Variants in TAPT1 observed in about 807,000 individuals in gnomAD.
TAPT1 encodes transmembrane anterior posterior transformation 1, also known as transmembrane anterior posterior transformation protein 1 homolog.
In TAPT1, 28 loss-of-function variants were observed where a neutral mutation model predicts 65.6. The observed-to-expected ratio is 0.43, with a 90% confidence interval of 0.32 to 0.59. The LOEUF (loss-of-function observed/expected upper bound fraction) is 0.59. TAPT1 is among the 20% of genes least tolerant of loss of function. TAPT1 has a pLI of 0.09. For missense variants in TAPT1, 563 were observed against 679.9 expected (o/e 0.83, Z 1.91); for synonymous variants, 278 against 245.2 (o/e 1.13, Z -1.25).
At chr4:16,202,042 TC>T (rs1750064742) in intron 3 of TAPT1, among the ~76,000 whole-genome samples, 1 of 152,122 alleles carries the variant, frequency 6.6e-6, no homozygotes, top group African/African-American at 2.4e-5. Flanking sequence ...CAGTAAGAGC[TC>T]CTGAGGAGAT....
At chr4:16,204,645 A>C (rs1451020221) in intron 2 of TAPT1, among the ~76,000 whole-genome samples, 1 of 152,268 alleles carries the variant, frequency 6.6e-6, no homozygotes, top group Non-Finnish European at 1.5e-5. Flanking sequence ...GGTTCTGGGC[A>C]ACGCAACCGG....
intron 2 of TAPT1, 121 bp downstream of exon 2, chr4:16,213,647 C>T: frequency 1.1e-6 from 1 of 873,640 alleles, no homozygotes; most frequent in South Asian, 2.3e-5. Flanking sequence ...TTTCTACTCC[C>T]CCAATAACAT....
intron 8 of TAPT1, chr4:16,176,471 G>A (rs1407848813): frequency 3.9e-6 from 1 of 254,674 alleles, no homozygotes; most frequent in Non-Finnish European, 7.4e-6. Flanking sequence ...CCAGCATTTT[G>A]GATCACCTGA....
At chr4:16,211,722 T>C (rs1445702630) in intron 2 of TAPT1, among the ~76,000 whole-genome samples, 1 of 152,188 alleles carries the variant, frequency 6.6e-6, no homozygotes, top group Non-Finnish European at 1.5e-5. Flanking sequence ...CAAAGTTTCA[T>C]GAAACAATAC....
intron 3 of TAPT1, among the ~76,000 whole-genome samples, chr4:16,199,280 T>G (rs1319235908): frequency 1.3e-5 from 2 of 152,172 alleles, no homozygotes; most frequent in Non-Finnish European, 2.9e-5. Context: ...TAGTAAGAAG[T>G]GTTTGCAGGG....
At chr4:16,209,757 T>C (rs1230420827) in intron 2 of TAPT1, among the ~76,000 whole-genome samples, 2 of 152,206 alleles carry the variant, frequency 1.3e-5, no homozygotes, top group African/African-American at 2.4e-5. Flanking sequence ...TTTAATAGTA[T>C]ATATATCTTG....
intron 3 of TAPT1, among the ~76,000 whole-genome samples, chr4:16,201,507 G>A (rs914427805): frequency 6.6e-6 from 1 of 152,068 alleles, no homozygotes; most frequent in Non-Finnish European, 1.5e-5. Context: ...ATGTAACCTC[G>A]ACATCTATGC....
intron 3 of TAPT1, 133 bp from the exon 4 acceptor site, chr4:16,191,656 A>C (rs1749381162): frequency 1.0e-6 from 1 of 997,870 alleles, no homozygotes; most frequent in East Asian, 2.6e-5. Flanking sequence ...AAAAACTTCA[A>C]ACAAGGGAGG....
intron 7 of TAPT1, among the ~76,000 whole-genome samples, chr4:16,181,918 T>C (rs1444258780): frequency 6.6e-6 from 1 of 152,172 alleles, no homozygotes; most frequent in Non-Finnish European, 1.5e-5. Context: ...TAGAGATTAA[T>C]AAAAATGGAT....
chr4:16,184,771 T>C (rs1474938613), intron 7 of TAPT1, among the ~76,000 whole-genome samples: 3 of 152,246 alleles, frequency 2.0e-5, no homozygotes, highest in Non-Finnish European at 4.4e-5. Context: ...TTTTCTTTTG[T>C]GAAATGTCTG....
At chr4:16,197,292 T>C (rs1354549767) in intron 3 of TAPT1, among the ~76,000 whole-genome samples, 1 of 152,216 alleles carries the variant, frequency 6.6e-6, no homozygotes, top group Non-Finnish European at 1.5e-5. Flanking sequence ...GTTGCTCTAA[T>C]AGTAAAAAAC....
chr4:16,201,062 C>T lies in TAPT1; in HGVS notation c.449+1400G>A, dbSNP rs559433283. On this transcript the variant is annotated intron_variant, in intron 3 of 13. Transcript: ENST00000405303. Reference sequence around the variant, plus strand: ...GTAAGTTACAGAATATAGCATATAACAATGACAGGAGCTGAATTTTTATAA... The same window carrying T: ...GTAAGTTACAGAATATAGCATATAATAATGACAGGAGCTGAATTTTTATAA... 3.9e-5 allele frequency among the ~76,000 whole-genome samples: 6 copies of T among 152,278 alleles called. No homozygotes were observed. The South Asian group carries it at 1.2e-3, about 32-fold the overall frequency.
intron 8 of TAPT1, among the ~76,000 whole-genome samples, chr4:16,178,519 A>C (rs1578423836): frequency 1.3e-5 from 2 of 152,108 alleles, no homozygotes; most frequent in East Asian, 3.8e-4. Context: ...TCAAACAAAA[A>C]CTCTAAATTA....
At chr4:16,182,692 G>A (rs146260584) in intron 7 of TAPT1, among the ~76,000 whole-genome samples, 4 of 152,282 alleles carry the variant, frequency 2.6e-5, no homozygotes, top group Admixed American at 6.5e-5. Flanking sequence ...TTACCAATGC[G>A]TAAAAAACTA....
rs1747209788 is a variant in TAPT1 at position 16,160,802 on chromosome 4, GAT to G, written c.*2504_*2505del. 6.6e-6 allele frequency: 1 copy of G among 152,642 alleles called. No individual in the cohort carries two copies. The highest frequency in any genetic ancestry group is 1.5e-5 in the Non-Finnish European group (1 of 68,036). 9.5% of individuals were successfully genotyped at this position (152,642 alleles called of 1,614,324 possible). A position where few individuals can be genotyped will look rare whatever the true frequency, so the allele number is the denominator to read the frequency against. On this transcript the variant is annotated 3_prime_UTR_variant, in exon 14 of 14. Coordinates refer to ENST00000405303, the MANE Select transcript of TAPT1 (RefSeq NM_153365.3). ...TCTGCTGAGTTACCAGGAGTGGCAG[GAT>G]ATATTTTGATGGCCTAATTATAGCA... is the stretch of plus-strand genomic sequence containing the variant.
At chr4:16,196,572 C>T in intron 3 of TAPT1, 1 of 586,328 alleles carries the variant, frequency 1.7e-6, no homozygotes, top group South Asian at 1.5e-5. Flanking sequence ...CCCCTAATGG[C>T]TATGTCTGCC....
At chr4:16,170,156 A>G (rs1747899778) in intron 12 of TAPT1, among the ~76,000 whole-genome samples, 1 of 152,216 alleles carries the variant, frequency 6.6e-6, no homozygotes, top group African/African-American at 2.4e-5. Context: ...TTGTTAATTT[A>G]CTGTATGTCT....
intron 3 of TAPT1, among the ~76,000 whole-genome samples, chr4:16,198,930 C>T (rs1268400893): frequency 1.3e-5 from 2 of 152,054 alleles, no homozygotes; most frequent in African/African-American, 2.4e-5. Flanking sequence ...AAAAATAATG[C>T]TCAAAGAGAT....
In TAPT1 at chr4:16,213,831, G is replaced by C; in HGVS notation, c.267C>G (p.Ala89=). The change falls in exon 2 of 14, where the codon GCC becomes GCG. Residue 89 remains alanine, a synonymous_variant. Coordinates refer to ENST00000405303, the MANE Select transcript of TAPT1 (RefSeq NM_153365.3). ...TRGYFLEHNE[A]KYTERRERVY... The stretch of plus-strand genomic sequence containing the variant: ...CTCTTTCTCTTCTTTCTGTATACTT[G>C]GCCTCATTATGTTCAAGGAAGTACC... 6.2e-7 allele frequency: 1 copy of C among 1,608,002 alleles called. No individual in the cohort carries two copies. Among genetic ancestry groups the C allele is most frequent in the South Asian group, 1.1e-5 (1 of 90,058 alleles).
Sources: gnomAD v4.1 joint callset for allele counts (sites outside exome capture counted in the v4.1 genomes callset) on GRCh38, gnomAD v4.1.1 for gene constraint, MANE v1.5 for transcripts, NCBI Gene and HGNC (gene_info 2026-07-23, HGNC 2026-07-21) for gene names.